Variants in ASTN2 observed in about 807,000 individuals in gnomAD.
The protein encoded by ASTN2 is astrotactin-2.
In ASTN2, 54 loss-of-function variants were observed where a neutral mutation model predicts 139.8. That is an observed-to-expected ratio of 0.39 (90% CI 0.31 to 0.48). The LOEUF is 0.48. Among genes scored for constraint, ASTN2 ranks in the 20% least tolerant of loss-of-function variants. The pLI is 0.95. For missense variants in ASTN2, 1,565 were observed against 1,725.1 expected (o/e 0.91, Z 1.64); for synonymous variants, 756 against 719.5 (o/e 1.05, Z -0.81).
rs185779120 is a variant in ASTN2, at chr9:116,550,201, C to A, written c.3356-62701G>T. Among the ~76,000 whole-genome samples, 247 of 152,308 alleles carry A rather than the reference C, an allele frequency of 1.6e-3. 2 individuals are homozygous for A. Among genetic ancestry groups the A allele is most frequent in the Non-Finnish European group, 2.8e-3 (188 of 68,026 alleles). On this transcript the variant is annotated intron_variant, in intron 19 of 22. Coordinates refer to ENST00000313400, the MANE Select transcript of ASTN2 (RefSeq NM_001365068.1). ...CCACAAAATTGGAAGTTCTACGTGA[C>A]CAGATTTACATCCATATAACGTCTC...
At chr9:117,244,465 T>C (rs1257648936) in intron 2 of ASTN2, among the ~76,000 whole-genome samples, 1 of 151,964 alleles carries the variant, frequency 6.6e-6, no homozygotes, top group Non-Finnish European at 1.5e-5. Context: ...CTGATTTTCC[T>C]ACAATTATCT....
intron 6 of ASTN2, among the ~76,000 whole-genome samples, chr9:117,017,958 T>TAAA (rs10649974): frequency 6.7e-4 from 95 of 142,500 alleles, no homozygotes; most frequent in South Asian, 6.8e-4. Context: ...TCAGTCTCAT[T>TAAA]AAAAAAAAAA....
chr9:117,314,436 C>A (rs950737997), intron 1 of ASTN2, among the ~76,000 whole-genome samples: 5 of 151,806 alleles, frequency 3.3e-5, no homozygotes, highest in Admixed American at 6.6e-5. Flanking sequence ...CCCACCCCCC[C>A]AATTTAAAAT....
chr9:116,536,968 G>T (rs938681363), intron 19 of ASTN2, among the ~76,000 whole-genome samples: 2 of 152,220 alleles, frequency 1.3e-5, no homozygotes, highest in African/African-American at 4.8e-5. Flanking sequence ...AGTCTACAGA[G>T]GCAGGCAGGC....
At chr9:117,130,969 T>C (rs1250962762) in intron 4 of ASTN2, among the ~76,000 whole-genome samples, 1 of 152,214 alleles carries the variant, frequency 6.6e-6, no homozygotes, top group African/African-American at 2.4e-5. Flanking sequence ...CTATGTTTAA[T>C]CATGTATATC....
chr9:116,425,928 T>G lies in ASTN2; in HGVS notation c.3943A>C (p.Lys1315Gln). 6.2e-7 allele frequency: 1 copy of G among 1,614,168 alleles called. No homozygotes were observed. The highest frequency in any genetic ancestry group is 8.5e-7 in the Non-Finnish European group (1 of 1,180,030). The change falls in exon 23 of 23, where the codon AAG becomes CAG. Residue 1315 changes from lysine to glutamine, a missense_variant. By Grantham distance (53) the Lys-to-Gln change is moderately conservative (BLOSUM62 1). Around this residue, in one of 4 missense-constraint regions of ASTN2, gnomAD observed 418 missense variants for 465.8 expected, o/e 0.90. Coordinates refer to ENST00000313400, the MANE Select transcript of ASTN2 (RefSeq NM_001365068.1). ...TCCTCACACGTGATTTTGGTGTCCTTGAGGATGCTATACCACACCATGCCT... is the reference window on the plus strand; with the variant it reads ...TCCTCACACGTGATTTTGGTGTCCTGGAGGATGCTATACCACACCATGCCT... ...PAGMVWYSIL[K>Q]DTKITCEEKM...
At chr9:116,581,497 T>C (rs1003487404) in intron 19 of ASTN2, among the ~76,000 whole-genome samples, 1 of 152,206 alleles carries the variant, frequency 6.6e-6, no homozygotes, top group African/African-American at 2.4e-5. Context: ...ATCAAGATAA[T>C]ATATAGACAT....
At chr9:116,918,109 A>G (rs1834503124) in intron 10 of ASTN2, among the ~76,000 whole-genome samples, 1 of 152,108 alleles carries the variant, frequency 6.6e-6, no homozygotes, top group African/African-American at 2.4e-5. Flanking sequence ...ACCTCCCATC[A>G]TGATTCTGAT....
At chr9:117,113,549 G>A (rs1829301229) in intron 4 of ASTN2, among the ~76,000 whole-genome samples, 1 of 152,128 alleles carries the variant, frequency 6.6e-6, no homozygotes, top group Non-Finnish European at 1.5e-5. Context: ...CTAGCTACTA[G>A]GGAGGCTGAT....
At chr9:116,965,847 A>G (rs1835997222) in intron 10 of ASTN2, among the ~76,000 whole-genome samples, 1 of 152,206 alleles carries the variant, frequency 6.6e-6, no homozygotes. Flanking sequence ...GTCTATGTTC[A>G]AATTCTAATT....
intron 10 of ASTN2, among the ~76,000 whole-genome samples, chr9:116,911,338 C>CA (rs1469073595): frequency 1.3e-5 from 2 of 152,148 alleles, no homozygotes; most frequent in Non-Finnish European, 2.9e-5. Flanking sequence ...GAACATTCTA[C>CA]AAAATGCCTG....
chr9:117,022,452 A>AC (rs1471957840), intron 6 of ASTN2, among the ~76,000 whole-genome samples: 5 of 108,918 alleles, frequency 4.6e-5, no homozygotes, highest in African/African-American at 1.1e-4. Context: ...CAAAAAAAAA[A>AC]AACAAAAAAA....
At chr9:116,850,122 T>G (rs1216160254) in intron 11 of ASTN2, among the ~76,000 whole-genome samples, 2 of 152,112 alleles carry the variant, frequency 1.3e-5, no homozygotes, top group Non-Finnish European at 2.9e-5. Context: ...AACTCACAAG[T>G]GATGGGAATC....
intron 3 of ASTN2, among the ~76,000 whole-genome samples, chr9:117,151,408 A>G (rs1830324289): frequency 6.6e-6 from 1 of 152,124 alleles, no homozygotes; most frequent in Admixed American, 6.5e-5. Flanking sequence ...TCTTCATTCA[A>G]TACCGTTAGT....
chr9:117,291,529 C>G lies in ASTN2; in HGVS notation c.443-16G>C. ...CCAGACATCTCTGCAAGACAAGACC[C>G]GAGGCACTGGGTGAGCCGTACGCCT... On this transcript the variant is annotated splice_polypyrimidine_tract_variant and intron_variant, in intron 1 of 22. Coordinates refer to ENST00000313400, the MANE Select transcript of ASTN2 (RefSeq NM_001365068.1). 6.3e-7 allele frequency: 1 copy of G among 1,578,324 alleles called. No individual in the cohort carries two copies. The highest frequency in any genetic ancestry group is 8.6e-7 in the Non-Finnish European group (1 of 1,160,104).
intron 20 of ASTN2, among the ~76,000 whole-genome samples, chr9:116,473,951 G>A (rs1429055359): frequency 6.6e-6 from 1 of 151,954 alleles, no homozygotes; most frequent in Non-Finnish European, 1.5e-5. Context: ...TACTTGGTAT[G>A]TGTTTAATAT....
chr9:117,080,006 G>A (rs1828384630), intron 5 of ASTN2, among the ~76,000 whole-genome samples: 1 of 74,114 alleles, frequency 1.3e-5, no homozygotes, highest in Non-Finnish European at 2.8e-5. Context: ...GTTGGTTAGA[G>A]TGACTTACCA....
chr9:116,977,985 G>A (rs763533670), intron 7 of ASTN2, among the ~76,000 whole-genome samples: 1 of 152,018 alleles, frequency 6.6e-6, no homozygotes, highest in Non-Finnish European at 1.5e-5. Context: ...CCAAAGTGCC[G>A]GGATTACACG....
At chr9:117,206,930 A>G (rs1831945547) in intron 3 of ASTN2, among the ~76,000 whole-genome samples, 1 of 152,110 alleles carries the variant, frequency 6.6e-6, no homozygotes, top group Non-Finnish European at 1.5e-5. Context: ...TGGCCTGCCT[A>G]ATAGTTCTAC....
Sources: gnomAD v4.1 joint callset for allele counts (sites outside exome capture counted in the v4.1 genomes callset) on GRCh38, gnomAD v4.1.1 for gene constraint, gnomAD v4.1.1 regional missense constraint, MANE v1.5 for transcripts, NCBI Gene and HGNC (gene_info 2026-07-23, HGNC 2026-07-21) for gene names.